Variants in MAPK14 observed in about 807,000 individuals in gnomAD.
MAPK14 encodes CSAID-binding protein.
Under a neutral mutation model 49.6 loss-of-function variants are expected in MAPK14, and 16 were observed. The observed-to-expected ratio is 0.32, with a 90% CI of 0.22 to 0.49. The LOEUF (loss-of-function observed/expected upper bound fraction) is 0.49. Among genes scored for constraint, MAPK14 ranks in the 20% least tolerant of loss-of-function variants. The pLI is 0.99. For missense variants in MAPK14, 200 were observed against 441.2 expected, an observed-to-expected ratio of 0.45 and a Z score of 4.90; for synonymous variants, 142 against 158.0, an observed-to-expected ratio of 0.90 and a Z score of 0.76.
rs200810274 is a variant in MAPK14, at chr6:36,059,341, A to G, written c.299A>G (p.Asn100Ser). 43 of 1,610,644 alleles carry G rather than the reference A, an allele frequency of 2.7e-5. No individual in the cohort carries two copies. The highest frequency in any genetic ancestry group is 1.1e-4 in the East Asian group (5 of 44,868). ...FTPARSLEEF[N>S]DVYLVTHLMG... ...CCTGCAAGGTCTCTGGAGGAATTCAATGATGTGTGAGTAAATTTTTTGCAT... is the reference window on the plus strand; with the variant it reads ...CCTGCAAGGTCTCTGGAGGAATTCAGTGATGTGTGAGTAAATTTTTTGCAT... The change falls in exon 3 of 12, where the codon AAT (asparagine) becomes AGT (serine). Residue 100 changes from asparagine to serine, a missense_variant. Transcript: ENST00000229794.
chr6:36,028,336 C>A lies in MAPK14; in HGVS notation c.116+63C>A. On this transcript the variant is annotated intron_variant, in intron 1 of 11. Coordinates refer to ENST00000229794, the MANE Select transcript of MAPK14 (RefSeq NM_139012.3). This position sits in a 1 kb window ranked among gnomAD's most constrained non-coding sequence, Gnocchi z 5.1. ...TGGCCCCTCGCGCCCGAGGGCCAGGCCTGCTCCACTGCTCAGCGTTGCGTC... is the reference window on the plus strand; with the variant it reads ...TGGCCCCTCGCGCCCGAGGGCCAGGACTGCTCCACTGCTCAGCGTTGCGTC... The A allele has an allele frequency of 2.6e-6, 3 of 1,140,912 alleles. No individual in the cohort carries two copies. Among genetic ancestry groups the A allele is most frequent in the South Asian group, 2.5e-5 (2 of 80,290 alleles). The allele number at this position is 1,140,912 out of a possible 1,614,324, so 70.7% of individuals were successfully genotyped here.
At chr6:36,099,954 C>G (rs1315600110) in intron 9 of MAPK14, among the ~76,000 whole-genome samples, 1 of 152,134 alleles carries the variant, frequency 6.6e-6, no homozygotes, top group African/African-American at 2.4e-5. Context: ...GATGCTAAAA[C>G]CAAAGAAAAG....
chr6:36,074,964 T>C (rs541076912), intron 6 of MAPK14, among the ~76,000 whole-genome samples: 8 of 151,172 alleles, frequency 5.3e-5, no homozygotes, highest in African/African-American at 1.7e-4. Context: ...TGGTGGCTCA[T>C]GCCTGTAATC....
chr6:36,117,679 A>G, the MAPK14 span, among the ~76,000 whole-genome samples: 10 of 152,332 alleles, frequency 6.6e-5, 1 homozygote, highest in South Asian at 1.4e-3. Context: ...GATTGTACCA[A>G]TAATAGAGAG....
In MAPK14 at chr6:36,110,262, G is replaced by A. The variant is rs907420524; in HGVS notation, c.*1815G>A. Reference sequence around the variant, plus strand: ...TGATACATGTACTCCAGAGGGACAGGGTGGACCCCCTGAGTCAACTGGAGC... The same window carrying A: ...TGATACATGTACTCCAGAGGGACAGAGTGGACCCCCTGAGTCAACTGGAGC... On this transcript the variant is annotated 3_prime_UTR_variant, in exon 12 of 12. Transcript: ENST00000229794. The A allele has an allele frequency of 1.3e-5, 2 of 152,452 alleles. No individual in the cohort carries two copies. The highest frequency in any genetic ancestry group is 1.3e-4 in the Admixed American group (2 of 15,286). The allele number at this position is 152,452 out of a possible 1,614,324, so 9.4% of individuals were successfully genotyped here. A position where few individuals can be genotyped will look rare whatever the true frequency, so the allele number is the denominator to read the frequency against.
In MAPK14 at chr6:36,107,643, T is replaced by C. The variant is rs899084792; in HGVS notation, c.1015+15T>C. 13 of 1,532,530 alleles carry C rather than the reference T, an allele frequency of 8.5e-6. No homozygotes were observed. In the Admixed American group the frequency reaches 1.7e-4, roughly 20 times the overall value. 94.9% of individuals were successfully genotyped at this position (1,532,530 alleles called of 1,614,324 possible). A position where few individuals can be genotyped will look rare whatever the true frequency, so the allele number is the denominator to read the frequency against. ...TGAGTGGAAAAGTAAGTCCTAAGGG[T>C]AGGATTAACATCTTGAACCACTAAC... On this transcript the variant is annotated intron_variant, in intron 11 of 11. Coordinates refer to ENST00000229794, the MANE Select transcript of MAPK14 (RefSeq NM_139012.3). The surrounding 1 kb of genome is among the most constrained non-coding windows in gnomAD (Gnocchi z 4.3).
downstream of MAPK14, among the ~76,000 whole-genome samples, chr6:36,115,454 A>G (rs891585616): frequency 6.6e-6 from 1 of 152,248 alleles, no homozygotes; most frequent in African/African-American, 2.4e-5. Context: ...TAATGATCCA[A>G]TATAAATGAC....
In MAPK14 at chr6:36,092,388, C is replaced by T. The variant is rs1166127325; in HGVS notation, c.683-3599C>T. 1.6e-5 allele frequency: 11 copies of T among 672,676 alleles called. No homozygotes were observed. In the Admixed American group the frequency reaches 2.0e-4, roughly 12 times the overall value. 41.7% of individuals were successfully genotyped at this position (672,676 alleles called of 1,614,324 possible). A position where few individuals can be genotyped will look rare whatever the true frequency, so the allele number is the denominator to read the frequency against. On this transcript the variant is annotated intron_variant, in intron 8 of 11. Transcript: ENST00000229794. ...TGCAGGGAACTCTATGCAGTAGCCA[C>T]CCATTGGTGGTCAGGACTGTTTCAC... is the stretch of plus-strand genomic sequence containing the variant.
chr6:36,065,551 G>T (rs1425962917), intron 3 of MAPK14, among the ~76,000 whole-genome samples: 1 of 44,076 alleles, frequency 2.3e-5, no homozygotes, highest in African/African-American at 7.3e-5. Context: ...TGTGTGTTTG[G>T]TGGGAATAGA....
chr6:36,034,884 T>C lies in MAPK14; in HGVS notation c.116+6611T>C, dbSNP rs189718475. On this transcript the variant is annotated intron_variant, in intron 1 of 11. Transcript: ENST00000229794. ...TGTCACATTTTGGTAATTCTCGCAA[T>C]ATTTCTTTCTTTCTTTTTTTTTTTT... 1.4e-3 allele frequency among the ~76,000 whole-genome samples: 213 copies of C among 150,000 alleles called. 1 individual carries two copies. The Middle Eastern group carries it at 0.021, about 14-fold the overall frequency.
At chr6:36,066,961 C>T (rs1764085350) in intron 3 of MAPK14, among the ~76,000 whole-genome samples, 1 of 151,878 alleles carries the variant, frequency 6.6e-6, no homozygotes, top group African/African-American at 2.4e-5. Context: ...GCTAAGTGCT[C>T]AAGATAGTGA....
chr6:36,070,169 A>G (rs1477974600), intron 3 of MAPK14, among the ~76,000 whole-genome samples: 6 of 152,202 alleles, frequency 3.9e-5, no homozygotes, highest in Non-Finnish European at 5.9e-5. Context: ...TTACTAAGGA[A>G]ATTATTCAGA....
At chr6:36,119,684 T>C in the MAPK14 span, among the ~76,000 whole-genome samples, 1 of 152,102 alleles carries the variant, frequency 6.6e-6, no homozygotes, top group African/African-American at 2.4e-5. Flanking sequence ...CCTTTTTAGT[T>C]GTCACACTTG....
In MAPK14 at chr6:36,057,561, G is replaced by T. The variant is rs556658458; in HGVS notation, c.247-1728G>T. On this transcript the variant is annotated intron_variant, in intron 2 of 11. Coordinates refer to ENST00000229794, the MANE Select transcript of MAPK14 (RefSeq NM_139012.3). Reference sequence around the variant, plus strand: ...GTAAAATTAAAGTTGCTTTTAAAAAGTGACATTTGGAGTCGGGCGTGGTGG... The same window carrying T: ...GTAAAATTAAAGTTGCTTTTAAAAATTGACATTTGGAGTCGGGCGTGGTGG... Among the ~76,000 whole-genome samples, 15 of 152,178 alleles carry T rather than the reference G, an allele frequency of 9.9e-5. No individual in the cohort carries two copies. The South Asian group carries it at 1.4e-3, about 15-fold the overall frequency.
chr6:36,092,590 C>T (rs2127463931), intron 8 of MAPK14: 1 of 454,414 alleles, frequency 2.2e-6, no homozygotes, highest in South Asian at 1.8e-5. Flanking sequence ...GAAATTAACT[C>T]CTCTGAAATA....
At chr6:36,090,278 C>G (rs920235006) in intron 8 of MAPK14, among the ~76,000 whole-genome samples, 1 of 151,976 alleles carries the variant, frequency 6.6e-6, no homozygotes, top group Non-Finnish European at 1.5e-5. Flanking sequence ...TTCTGGAGAC[C>G]CTTCTCTCAC....
intron 8 of MAPK14, among the ~76,000 whole-genome samples, chr6:36,094,935 GC>G (rs1169278614): frequency 1.3e-5 from 2 of 152,168 alleles, no homozygotes; most frequent in Non-Finnish European, 2.9e-5. Context: ...GAGACCTGAA[GC>G]CAAGAGGATT....
chr6:36,059,496 A>G (rs1443083498), intron 3 of MAPK14, 149 bp downstream of exon 3: 1 of 652,692 alleles, frequency 1.5e-6, no homozygotes, highest in Non-Finnish European at 2.7e-6. Flanking sequence ...GATGGATACC[A>G]GAAGATGTAT....
At chr6:36,040,262 A>T (rs2237095) in intron 1 of MAPK14, among the ~76,000 whole-genome samples, 9,379 of 152,176 alleles carry the variant, frequency 0.062, 716 homozygotes, top group African/African-American at 0.18. Flanking sequence ...TACTAATAGC[A>T]ATTCCCAGTT....
Sources: gnomAD v4.1 joint callset for allele counts (sites outside exome capture counted in the v4.1 genomes callset) on GRCh38, gnomAD v4.1.1 for gene constraint, Gnocchi (gnomAD v3.1) non-coding constraint, MANE v1.5 for transcripts, NCBI Gene and HGNC (gene_info 2026-07-23, HGNC 2026-07-21) for gene names.